The following EDARADD variants were observed in gnomAD, a reference collection of about 807,000 sequenced individuals.
The protein encoded by EDARADD is EDAR associated via death domain.
EDARADD carries 20 observed loss-of-function variants against 25.6 expected under a neutral mutation model. The observed-to-expected ratio is 0.78, with a 90% confidence interval of 0.55 to 1.14. EDARADD has a LOEUF of 1.14. Ranked by LOEUF, EDARADD falls within the 50% of genes most tolerant of loss-of-function variation. The pLI is 0.00. For synonymous variants in EDARADD, 86 were observed against 94.4 expected (o/e 0.91, Z 0.52); for missense variants, 225 against 270.1 (o/e 0.83, Z 1.17).
rs12410987 is a variant in EDARADD at position 236,423,770 on chromosome 1, T to C, written c.161-3622T>C. On this transcript the variant is annotated intron_variant, in intron 3 of 5. Transcript: ENST00000334232. ...CAGTGTTTTCCAATCATTTTAGGCA[T>C]GGGGTATGGAAGCCTTAAGGGATGA... is the stretch of plus-strand genomic sequence containing the variant. Among the ~76,000 whole-genome samples, 976 of 152,284 alleles carry C rather than the reference T, an allele frequency of 6.4e-3. 19 individuals are homozygous for C. The highest frequency in any genetic ancestry group is 0.044 in the Admixed American group (671 of 15,288).
intron 5 of EDARADD, among the ~76,000 whole-genome samples, chr1:236,473,870 A>T (rs1659426975): frequency 6.6e-6 from 1 of 151,956 alleles, no homozygotes; most frequent in East Asian, 1.9e-4. Context: ...TCCTGAGCTA[A>T]TCGAGCCTCC....
At chr1:236,442,111 C>G (rs1658418272) in intron 4 of EDARADD, among the ~76,000 whole-genome samples, 2 of 151,688 alleles carry the variant, frequency 1.3e-5, no homozygotes, top group Non-Finnish European at 2.9e-5. Flanking sequence ...AAGACGCCAT[C>G]TAGGACTTTC....
At chr1:236,434,918 T>C (rs1245511251) in intron 4 of EDARADD, among the ~76,000 whole-genome samples, 1 of 152,148 alleles carries the variant, frequency 6.6e-6, no homozygotes, top group African/African-American at 2.4e-5. Context: ...ACAAGATCAA[T>C]AGAGAATTCA....
chr1:236,466,286 C>T (rs1047869731), intron 4 of EDARADD, among the ~76,000 whole-genome samples: 11 of 152,148 alleles, frequency 7.2e-5, no homozygotes, highest in African/African-American at 2.2e-4. Flanking sequence ...ACTAGTGTCC[C>T]TAAAGTCATG....
intron 4 of EDARADD, among the ~76,000 whole-genome samples, chr1:236,449,264 G>C (rs560053765): frequency 6.6e-6 from 1 of 152,194 alleles, no homozygotes; most frequent in Non-Finnish European, 1.5e-5. Flanking sequence ...CCTCTGTAGA[G>C]ACCCTATGTC....
intron 4 of EDARADD, among the ~76,000 whole-genome samples, chr1:236,457,510 T>G (rs2103030240): frequency 7.1e-6 from 1 of 141,354 alleles, no homozygotes; most frequent in East Asian, 2.1e-4. Context: ...GGCAGATTCT[T>G]TCTCTCTAAA....
At chr1:236,432,503 G>A (rs1377732329) in intron 4 of EDARADD, among the ~76,000 whole-genome samples, 3 of 152,130 alleles carry the variant, frequency 2.0e-5, no homozygotes, top group African/African-American at 7.2e-5. Flanking sequence ...ATACTAAGTT[G>A]GAGTTAGAAG....
At chr1:236,420,389 G>A (rs1350030067) in intron 3 of EDARADD, among the ~76,000 whole-genome samples, 1 of 152,156 alleles carries the variant, frequency 6.6e-6, no homozygotes, top group South Asian at 2.1e-4. Context: ...TTAGAGTATG[G>A]CCTTGAATTC....
At chr1:236,357,743 CT>C in intron 3 of EDARADD, among the ~76,000 whole-genome samples, 1 of 152,180 alleles carries the variant, frequency 6.6e-6, no homozygotes, top group South Asian at 2.1e-4. Flanking sequence ...CGTGAGGGAT[CT>C]GCCCCAGTGA....
intron 1 of EDARADD, among the ~76,000 whole-genome samples, chr1:236,407,924 T>TA (rs1314528657): frequency 2.6e-5 from 4 of 152,212 alleles, no homozygotes; most frequent in Non-Finnish European, 4.4e-5. Flanking sequence ...TTATTTTTGA[T>TA]AAAAAACTAT....
intron 5 of EDARADD, among the ~76,000 whole-genome samples, chr1:236,479,192 C>A (rs1403041407): frequency 6.6e-6 from 1 of 151,758 alleles, no homozygotes; most frequent in African/African-American, 2.4e-5. Context: ...GAAAAAGTAC[C>A]CTGGAAAAAA....
intron 4 of EDARADD, among the ~76,000 whole-genome samples, chr1:236,437,525 C>T (rs1658289252): frequency 6.6e-6 from 1 of 151,930 alleles, no homozygotes; most frequent in Admixed American, 6.6e-5. Context: ...AGCCTGAGGG[C>T]TATTGCAGTC....
At chr1:236,441,269 TTATATATATATATTATATA>T (rs1163342461) in intron 4 of EDARADD, among the ~76,000 whole-genome samples, 1 of 144,780 alleles carries the variant, frequency 6.9e-6, no homozygotes, top group Non-Finnish European at 1.5e-5. Flanking sequence ...CCCTCTTTAT[TTATATATATATATTATATA>T]TATATAAATA....
chr1:236,353,017 A>C (rs1046128306), intron 3 of EDARADD, among the ~76,000 whole-genome samples: 1 of 152,002 alleles, frequency 6.6e-6, no homozygotes, highest in African/African-American at 2.4e-5. Context: ...CTCTAAAAAA[A>C]AAACAACAAC....
Position 236,356,700 on chromosome 1 carries a change from G to A in EDARADD, c.-6+5861G>A, listed in dbSNP as rs147576794. On this transcript the variant is annotated intron_variant, in intron 3 of 7. Coordinates refer to the EDARADD transcript ENST00000439430. The stretch of plus-strand genomic sequence containing the variant: ...TCAAGGCTGTGGCTTCAAACAGTAC[G>A]AATAATCATAGTCTCTACTACCGTG... Among the ~76,000 whole-genome samples the A allele has an allele frequency of 7.4e-3, 1,126 of 151,936 alleles. 12 individuals are homozygous for A. Among genetic ancestry groups the A allele is most frequent in the Middle Eastern group, 0.031 (9 of 294 alleles).
At chr1:236,482,184 A>T in intron 5 of EDARADD, 83 bp from the exon 6 acceptor site, 2 of 1,525,212 alleles carry the variant, frequency 1.3e-6, no homozygotes, top group South Asian at 2.3e-5. Flanking sequence ...TTGACAATTC[A>T]GCAGGAAAAT....
chr1:236,351,296 C>T (rs1328541638), intron 3 of EDARADD, among the ~76,000 whole-genome samples: 1 of 152,128 alleles, frequency 6.6e-6, no homozygotes, highest in African/African-American at 2.4e-5. Context: ...TTTAGGTAGA[C>T]AGGTTAAAGC....
intron 3 of EDARADD, among the ~76,000 whole-genome samples, chr1:236,361,770 CT>C (rs1667053936): frequency 6.6e-6 from 1 of 151,168 alleles, no homozygotes; most frequent in Non-Finnish European, 1.5e-5. Flanking sequence ...AATACTATGG[CT>C]TTTGTGTGGC....
At chr1:236,413,689 T>C (rs1284597945) in intron 2 of EDARADD, among the ~76,000 whole-genome samples, 1 of 152,258 alleles carries the variant, frequency 6.6e-6, no homozygotes, top group African/African-American at 2.4e-5. Context: ...TGAGAACATT[T>C]GCTATTTTGA....
Sources: gnomAD v4.1 joint callset for allele counts (sites outside exome capture counted in the v4.1 genomes callset) on GRCh38, gnomAD v4.1.1 for gene constraint, MANE v1.5 for transcripts, NCBI Gene and HGNC (gene_info 2026-07-23, HGNC 2026-07-21) for gene names.